CTDP1: variants seen among roughly 807,000 people sequenced by gnomAD.
CTDP1 encodes the protein RNA polymerase II subunit A C-terminal domain phosphatase.
Under a neutral mutation model 91.8 loss-of-function variants are expected in CTDP1, and 47 were observed. That is an observed-to-expected ratio of 0.51 (90% CI 0.41 to 0.65). CTDP1 has a LOEUF of 0.65. Among genes scored for constraint, CTDP1 ranks in the 30% least tolerant of loss-of-function variants. The pLI is 0.00. For missense variants in CTDP1, 1,272 were observed against 1,373.7 expected, an observed-to-expected ratio of 0.93 and a Z score of 1.17; for synonymous variants, 656 against 598.5, an observed-to-expected ratio of 1.10 and a Z score of -1.40.
chr18:79,752,233 A>G (rs112218923), intron 12 of CTDP1, among the ~76,000 whole-genome samples: 2 of 151,988 alleles, frequency 1.3e-5, no homozygotes, highest in African/African-American at 2.4e-5. Flanking sequence ...AGGAAAGCCT[A>G]GTGGCACCGG....
At chr18:79,705,826 T>C in intron 5 of CTDP1, among the ~76,000 whole-genome samples, 1 of 152,232 alleles carries the variant, frequency 6.6e-6, no homozygotes, top group East Asian at 1.9e-4. Context: ...AGTGCCTTTA[T>C]AGGAAATTGT....
chr18:79,747,117 T>C (rs919202101), intron 12 of CTDP1, among the ~76,000 whole-genome samples: 2 of 152,184 alleles, frequency 1.3e-5, no homozygotes, highest in African/African-American at 2.4e-5. Flanking sequence ...TTAATTTTTT[T>C]CCAGTCCTTT....
chr18:79,710,516 A>G (rs773554208), intron 6 of CTDP1, 80 bp downstream of exon 6: 35 of 1,140,500 alleles, frequency 3.1e-5, no homozygotes, highest in Admixed American at 2.5e-4. Context: ...AATTTAGAGC[A>G]GTATTTCTTT....
intron 11 of CTDP1, 180 bp from the exon 12 acceptor site, chr18:79,736,174 GC>G (rs2086662987): frequency 2.7e-6 from 2 of 741,116 alleles, no homozygotes; most frequent in South Asian, 3.5e-5. Flanking sequence ...AGCGTCTTTT[GC>G]CCGGGGCTTT....
chr18:79,697,739 T>A, intron 3 of CTDP1, 121 bp from the exon 4 acceptor site: 1 of 1,455,648 alleles, frequency 6.9e-7, no homozygotes, highest in Non-Finnish European at 9.5e-7. Context: ...GCGCAGTCCA[T>A]GGAGCGTGGG....
rs536788314 is a variant in CTDP1, at chr18:79,744,074, C to G, written c.2747+7553C>G. Among the ~76,000 whole-genome samples the G allele has an allele frequency of 2.0e-5, 3 of 152,332 alleles. No individual in the cohort carries two copies. In the East Asian group the frequency reaches 5.8e-4, roughly 29 times the overall value. On this transcript the variant is annotated intron_variant, in intron 12 of 12. Transcript: ENST00000613122. ...GATCTGATGGCCTCCTTTGGAGAGG[C>G]TGATCAGAAACTCAGGAGGATGCAG...
In CTDP1 at chr18:79,733,570, G is replaced by A. The variant is rs540973770; in HGVS notation, c.2581-2785G>A. Among the ~76,000 whole-genome samples the A allele has an allele frequency of 5.3e-5, 8 of 151,874 alleles. No individual in the cohort carries two copies. The South Asian group carries it at 1.3e-3, about 24-fold the overall frequency. ...CTGCTGGGCCCCAAAGCCGGCGTCC[G>A]CTGCCTCTCCAGCTGCGTTACCTCG... On this transcript the variant is annotated intron_variant, in intron 11 of 12. Coordinates refer to ENST00000613122, the MANE Select transcript of CTDP1 (RefSeq NM_004715.5).
downstream of CTDP1, chr18:79,755,657 G>C (rs993442015): frequency 6.6e-6 from 1 of 152,336 alleles, no homozygotes; most frequent in Admixed American, 6.5e-5. Flanking sequence ...GATTCTGCGT[G>C]TGGTTGGTCC....
At chr18:79,729,218 T>G (rs1211328312) in intron 11 of CTDP1, 149 bp downstream of exon 11, 1 of 1,037,254 alleles carries the variant, frequency 9.6e-7, no homozygotes, top group Admixed American at 1.9e-5. Flanking sequence ...GGACGAGCAC[T>G]TGTGTTTTTC....
chr18:79,704,977 T>C (rs1037999754), intron 5 of CTDP1, 60 bp downstream of exon 5: 2 of 1,605,346 alleles, frequency 1.2e-6, no homozygotes. Flanking sequence ...CTGTTTTCGG[T>C]GATGGTTTCT....
At chr18:79,739,780 C>T (rs1213111846) in intron 12 of CTDP1, among the ~76,000 whole-genome samples, 2 of 151,024 alleles carry the variant, frequency 1.3e-5, no homozygotes, top group African/African-American at 2.5e-5. Flanking sequence ...GCCGCCAGGA[C>T]GGGTGGGACT....
intron 8 of CTDP1, among the ~76,000 whole-genome samples, chr18:79,716,001 C>T (rs1351824701): frequency 1.3e-5 from 2 of 152,178 alleles, no homozygotes; most frequent in South Asian, 2.1e-4. Context: ...AAACCTGTCC[C>T]GGACGGGGCA....
At chr18:79,699,137 T>C (rs1014274261) in intron 4 of CTDP1, among the ~76,000 whole-genome samples, 1 of 152,222 alleles carries the variant, frequency 6.6e-6, no homozygotes, top group Non-Finnish European at 1.5e-5. Context: ...TATTTCTGGC[T>C]GTGTTAGTCA....
At chr18:79,750,794 G>A (rs2086982370) in intron 12 of CTDP1, among the ~76,000 whole-genome samples, 1 of 151,320 alleles carries the variant, frequency 6.6e-6, no homozygotes, top group South Asian at 2.1e-4. Context: ...TATTACAGGT[G>A]TGAGCCGCCA....
At chr18:79,729,418 G>A (rs1259825981) in intron 11 of CTDP1, among the ~76,000 whole-genome samples, 1 of 152,208 alleles carries the variant, frequency 6.6e-6, no homozygotes, top group Non-Finnish European at 1.5e-5. Context: ...GGCACTCATG[G>A]TCATGACAAG....
chr18:79,744,772 C>A (rs1436644719), intron 12 of CTDP1, among the ~76,000 whole-genome samples: 1 of 152,176 alleles, frequency 6.6e-6, no homozygotes, highest in African/African-American at 2.4e-5. Flanking sequence ...ATGGCGAGAC[C>A]TTGGAGGTTC....
chr18:79,719,742 G>A (rs991484086), intron 10 of CTDP1, among the ~76,000 whole-genome samples: 3 of 147,136 alleles, frequency 2.0e-5, no homozygotes, highest in South Asian at 4.5e-4. Context: ...ACCTCCCATC[G>A]TGTCCTGGTG....
intron 1 of CTDP1, among the ~76,000 whole-genome samples, chr18:79,694,732 G>A (rs2085712096): frequency 6.6e-6 from 1 of 152,214 alleles, no homozygotes; most frequent in Non-Finnish European, 1.5e-5. Flanking sequence ...TCTGCCAGAA[G>A]ACCACTGTTT....
rs528808536 is a variant in CTDP1 at position 79,733,190 on chromosome 18, T to G, written c.2581-3165T>G. ...TCGGCACAGGACGGGTGTGCGTTTG[T>G]CGTGTGTGGATCCTCACGCTGCGGC... On this transcript the variant is annotated intron_variant, in intron 11 of 12. Transcript: ENST00000613122. 1.6e-3 allele frequency among the ~76,000 whole-genome samples: 235 copies of G among 150,354 alleles called. 4 individuals are homozygous for G. In the South Asian group the frequency reaches 0.026, roughly 17 times the overall value.
Sources: gnomAD v4.1 joint callset for allele counts (sites outside exome capture counted in the v4.1 genomes callset) on GRCh38, gnomAD v4.1.1 for gene constraint, MANE v1.5 for transcripts, NCBI Gene and HGNC (gene_info 2026-07-23, HGNC 2026-07-21) for gene names.